The following CNTNAP2 variants were observed in gnomAD, a reference collection of about 807,000 sequenced individuals.
CNTNAP2 encodes contactin-associated protein-like 2.
A neutral mutation model predicts 155.2 loss-of-function variants in CNTNAP2; 98 were observed. The observed-to-expected ratio is 0.63, with a 90% CI of 0.54 to 0.75. CNTNAP2 has a LOEUF of 0.75. Ranked by LOEUF, CNTNAP2 falls within the 30% of genes least tolerant of loss-of-function variation. The pLI is 0.00. For synonymous variants in CNTNAP2, 651 were observed against 631.2 expected (o/e 1.03, Z -0.47); for missense variants, 1,727 against 1,688.1 (o/e 1.02, Z -0.40).
chr7:146,417,779 T>A (rs1272353374), intron 1 of CNTNAP2, among the ~76,000 whole-genome samples: 1 of 152,184 alleles, frequency 6.6e-6, no homozygotes, highest in Non-Finnish European at 1.5e-5. Flanking sequence ...TTATATATAC[T>A]TACATATACT....
At chr7:146,969,790 C>G (rs570756210) in intron 3 of CNTNAP2, among the ~76,000 whole-genome samples, 3 of 152,074 alleles carry the variant, frequency 2.0e-5, no homozygotes, top group Non-Finnish European at 4.4e-5. Context: ...GGAGGTATCA[C>G]GCTACCTGAC....
At chr7:148,052,566 G>T (rs891667973) in intron 15 of CNTNAP2, among the ~76,000 whole-genome samples, 3 of 152,086 alleles carry the variant, frequency 2.0e-5, no homozygotes. Flanking sequence ...CTTGAGCAAG[G>T]ATTTTCACCT....
chr7:146,928,584 G>T (rs974988606), intron 3 of CNTNAP2, among the ~76,000 whole-genome samples: 7 of 152,196 alleles, frequency 4.6e-5, no homozygotes, highest in African/African-American at 1.7e-4. Context: ...GACAGTGGGT[G>T]CAGGACAGTG....
At chr7:147,402,648 A>T (rs1464445961) in intron 10 of CNTNAP2, among the ~76,000 whole-genome samples, 1 of 152,206 alleles carries the variant, frequency 6.6e-6, no homozygotes, top group Non-Finnish European at 1.5e-5. Flanking sequence ...AGGGACACAC[A>T]GTGATTTCTA....
chr7:148,397,677 T>C (rs10277339), intron 22 of CNTNAP2, among the ~76,000 whole-genome samples: 17,524 of 152,270 alleles, frequency 0.12, 1,978 homozygotes, highest in African/African-American at 0.29. Context: ...TCACACTCCG[T>C]TGACATGAAT....
chr7:148,039,894 T>C (rs1802639189), intron 15 of CNTNAP2, among the ~76,000 whole-genome samples: 1 of 152,170 alleles, frequency 6.6e-6, no homozygotes, highest in Non-Finnish European at 1.5e-5. Flanking sequence ...TCAGAAAACA[T>C]CTTACTATAG....
intron 1 of CNTNAP2, among the ~76,000 whole-genome samples, chr7:146,730,630 C>T (rs1032271423): frequency 3.3e-5 from 5 of 152,110 alleles, no homozygotes; most frequent in African/African-American, 4.8e-5. Flanking sequence ...TCCTCCTGAC[C>T]GCAACATATA....
At chr7:146,848,591 G>C (rs1562971835) in intron 3 of CNTNAP2, among the ~76,000 whole-genome samples, 1 of 152,156 alleles carries the variant, frequency 6.6e-6, no homozygotes, top group Non-Finnish European at 1.5e-5. Flanking sequence ...TCCAGCAAAG[G>C]CTTCTTTGGA....
chr7:148,364,892 C>T (rs148451820), intron 21 of CNTNAP2, among the ~76,000 whole-genome samples: 112 of 152,296 alleles, frequency 7.4e-4, no homozygotes, highest in African/African-American at 2.3e-3. Flanking sequence ...TTTGGGTCCA[C>T]GCTGCTTTTA....
intron 1 of CNTNAP2, among the ~76,000 whole-genome samples, chr7:146,556,009 A>C (rs1798193106): frequency 1.3e-5 from 2 of 152,216 alleles, no homozygotes; most frequent in Non-Finnish European, 1.5e-5. Flanking sequence ...AATTCTTAAT[A>C]AACTTCATTA....
At chr7:147,629,403 CAAAAAT>C (rs957548114) in intron 12 of CNTNAP2, among the ~76,000 whole-genome samples, 10 of 87,954 alleles carry the variant, frequency 1.1e-4, no homozygotes, top group Non-Finnish European at 1.5e-4. Flanking sequence ...AACTCTGTCT[CAAAAAT>C]AATAATAATA....
chr7:148,045,329 G>A (rs1802756297), intron 15 of CNTNAP2, among the ~76,000 whole-genome samples: 1 of 151,940 alleles, frequency 6.6e-6, no homozygotes, highest in Non-Finnish European at 1.5e-5. Flanking sequence ...ATGGGGGTGG[G>A]TGGTGGGGGG....
At chr7:148,214,152 T>C (rs141547376) in intron 18 of CNTNAP2, among the ~76,000 whole-genome samples, 1,689 of 152,328 alleles carry the variant, frequency 0.011, 9 homozygotes, top group Non-Finnish European at 0.018. Flanking sequence ...GTCTACCTGA[T>C]CCTGCACTTA....
At chr7:147,789,306 A>G (rs1797785582) in intron 13 of CNTNAP2, among the ~76,000 whole-genome samples, 2 of 151,202 alleles carry the variant, frequency 1.3e-5, no homozygotes, top group Non-Finnish European at 3.0e-5. Context: ...ACCACAAACA[A>G]CCTTTCACTT....
chr7:147,083,419 T>C (rs1800181732), intron 4 of CNTNAP2, among the ~76,000 whole-genome samples: 1 of 151,716 alleles, frequency 6.6e-6, no homozygotes, highest in Non-Finnish European at 1.5e-5. Context: ...CGCTCACCTC[T>C]ACTAAATGTA....
intron 1 of CNTNAP2, among the ~76,000 whole-genome samples, chr7:146,644,281 G>C (rs1799769766): frequency 6.6e-6 from 1 of 152,108 alleles, no homozygotes; most frequent in African/African-American, 2.4e-5. Flanking sequence ...GTATGATATT[G>C]GCTGTGGGTT....
At chr7:147,988,091 G>A (rs1801649710) in intron 15 of CNTNAP2, among the ~76,000 whole-genome samples, 1 of 152,142 alleles carries the variant, frequency 6.6e-6, no homozygotes, top group South Asian at 2.1e-4. Context: ...CAAAGCGGAG[G>A]GTGGTGGGGG....
intron 15 of CNTNAP2, among the ~76,000 whole-genome samples, chr7:148,062,691 T>A (rs1209099228): frequency 6.6e-6 from 1 of 152,146 alleles, no homozygotes; most frequent in Non-Finnish European, 1.5e-5. Context: ...ATTCATGAGA[T>A]GCAAGACAAA....
chr7:147,478,164 G>GT (rs1554489671), intron 10 of CNTNAP2, among the ~76,000 whole-genome samples: 26 of 148,980 alleles, frequency 1.7e-4, no homozygotes, highest in South Asian at 1.1e-3. Context: ...TTTTTTTTGG[G>GT]TGGTGGGGGA....
Sources: gnomAD v4.1 joint callset for allele counts (sites outside exome capture counted in the v4.1 genomes callset) on GRCh38, gnomAD v4.1.1 for gene constraint, MANE v1.5 for transcripts, NCBI Gene and HGNC (gene_info 2026-07-23, HGNC 2026-07-21) for gene names.